Variants in CSMD3 observed in about 807,000 individuals in gnomAD.
CSMD3 encodes CUB and sushi domain-containing protein 3.
CSMD3 carries 177 observed loss-of-function variants against 435.2 expected under a neutral mutation model. The ratio of observed to expected loss-of-function variants is 0.41; its 90% CI spans 0.36 to 0.46. CSMD3 has a LOEUF of 0.46. Ranked by LOEUF, CSMD3 falls within the 20% of genes least tolerant of loss-of-function variation. The probability of loss-of-function intolerance (pLI) is 0.34; values close to 1 mark genes in which losing one functional copy is unlikely to be tolerated. For synonymous variants in CSMD3, 1,656 were observed against 1,520.5 expected (o/e 1.09, Z -2.07); for missense variants, 4,265 against 4,504.6 (o/e 0.95, Z 1.52).
At chr8:113,372,030 T>TA (rs1220853562) in intron 1 of CSMD3, among the ~76,000 whole-genome samples, 4 of 152,020 alleles carry the variant, frequency 2.6e-5, no homozygotes, top group East Asian at 1.9e-4. Context: ...CCACACTAGT[T>TA]AAAAAAAATT....
intron 19 of CSMD3, among the ~76,000 whole-genome samples, chr8:112,647,302 C>CTT (rs35978527): frequency 0.089 from 12,248 of 137,050 alleles, 811 homozygotes; most frequent in East Asian, 0.34. Flanking sequence ...TTTCAAATCA[C>CTT]TTTTTTTTTT....
At chr8:112,789,665 CTTAA>C (rs1455910258) in intron 13 of CSMD3, among the ~76,000 whole-genome samples, 1 of 151,866 alleles carries the variant, frequency 6.6e-6, no homozygotes, top group African/African-American at 2.4e-5. Flanking sequence ...TTACTTTTCA[CTTAA>C]TTAAACAAAG....
intron 12 of CSMD3, among the ~76,000 whole-genome samples, chr8:112,807,381 A>G (rs2079114521): frequency 6.6e-6 from 1 of 152,152 alleles, no homozygotes; most frequent in Non-Finnish European, 1.5e-5. Context: ...AAGGTTTTGT[A>G]TGCTATGATG....
chr8:112,644,997 G>A (rs923695367), intron 20 of CSMD3, 112 bp downstream of exon 20: 1 of 761,296 alleles, frequency 1.3e-6, no homozygotes. Flanking sequence ...GCATATTGTA[G>A]TACTGATCTG....
intron 31 of CSMD3, among the ~76,000 whole-genome samples, chr8:112,478,708 C>T (rs72676624): frequency 6.6e-6 from 1 of 152,114 alleles, no homozygotes; most frequent in South Asian, 2.1e-4. Context: ...CGTGGTGAAA[C>T]CCCACCTTCA....
intron 3 of CSMD3, among the ~76,000 whole-genome samples, chr8:113,211,335 C>T (rs1272823063): frequency 1.3e-5 from 2 of 152,076 alleles, no homozygotes; most frequent in Non-Finnish European, 2.9e-5. Flanking sequence ...ATCAGAGATA[C>T]AAATCTGGCC....
chr8:112,637,640 T>C (rs1196716927), intron 21 of CSMD3, among the ~76,000 whole-genome samples: 1 of 151,934 alleles, frequency 6.6e-6, no homozygotes, highest in Non-Finnish European at 1.5e-5. Flanking sequence ...AAAAGTAGAG[T>C]TGATTAAACA....
At chr8:113,114,449 A>T (rs2090762042) in intron 4 of CSMD3, among the ~76,000 whole-genome samples, 1 of 152,186 alleles carries the variant, frequency 6.6e-6, no homozygotes, top group Non-Finnish European at 1.5e-5. Context: ...TGCTATTGAG[A>T]ATAGTATGTG....
At chr8:113,375,514 T>TACAC (rs3221516) in intron 1 of CSMD3, among the ~76,000 whole-genome samples, 6,414 of 69,236 alleles carry the variant, frequency 0.093, 283 homozygotes, top group African/African-American at 0.15. Flanking sequence ...GACTATTTAA[T>TACAC]ACACACACAC....
chr8:113,041,382 T>C (rs905678870), intron 5 of CSMD3, among the ~76,000 whole-genome samples: 12 of 152,046 alleles, frequency 7.9e-5, no homozygotes, highest in Admixed American at 7.9e-4. Context: ...TCACTTCTCA[T>C]CCACCCTCGC....
At chr8:112,392,088 A>T (rs12676848) in intron 35 of CSMD3, among the ~76,000 whole-genome samples, 61,277 of 151,906 alleles carry the variant, frequency 0.4, 14,330 homozygotes, top group Middle Eastern at 0.59. Flanking sequence ...CATAAGAAAC[A>T]AGCACACACC....
intron 59 of CSMD3, among the ~76,000 whole-genome samples, chr8:112,274,009 G>C (rs896357304): frequency 4.0e-5 from 6 of 151,534 alleles, no homozygotes; most frequent in Admixed American, 3.3e-4. Flanking sequence ...AAAATGTCTT[G>C]AGGTGTTTTG....
chr8:112,304,581 TA>T, intron 52 of CSMD3, 139 bp downstream of exon 52: 1 of 685,434 alleles, frequency 1.5e-6, no homozygotes. Context: ...TTAGAAAATT[TA>T]AAAACGTAAC....
chr8:113,138,855 C>T (rs1010965554), intron 4 of CSMD3, among the ~76,000 whole-genome samples: 1 of 148,042 alleles, frequency 6.8e-6, no homozygotes, highest in African/African-American at 2.5e-5. Context: ...ATGTCACATA[C>T]TACATATATC....
intron 22 of CSMD3, among the ~76,000 whole-genome samples, chr8:112,607,660 G>A (rs1466303689): frequency 1.3e-5 from 2 of 152,104 alleles, no homozygotes; most frequent in African/African-American, 4.8e-5. Flanking sequence ...TCAGTTTACT[G>A]TACAGATACT....
intron 38 of CSMD3, among the ~76,000 whole-genome samples, chr8:112,373,430 A>G (rs1041190390): frequency 1.3e-5 from 2 of 151,954 alleles, no homozygotes; most frequent in African/African-American, 4.8e-5. Flanking sequence ...ACACACACAC[A>G]CCACTCACAC....
At chr8:112,866,111 T>G (rs533768502) in intron 10 of CSMD3, among the ~76,000 whole-genome samples, 2 of 152,174 alleles carry the variant, frequency 1.3e-5, no homozygotes, top group Non-Finnish European at 2.9e-5. Flanking sequence ...GAACATTTTG[T>G]TGATGGTATG....
At position 113,311,741 on chromosome 8, in the gene CSMD3, C is replaced by T. The variant is rs978203189; in HGVS notation, c.401+2830G>A. ...GGTTACATACTAATTTTTTTCTTTC[C>T]AGTCTTGCTAACTAAAGTCAGCTAT... is the stretch of plus-strand genomic sequence containing the variant. On this transcript the variant is annotated intron_variant, in intron 2 of 70. Transcript: ENST00000297405. 5 of 152,158 alleles carry T rather than the reference C, an allele frequency of 3.3e-5. No homozygotes were observed. The South Asian group carries it at 8.3e-4, about 25-fold the overall frequency. 9.4% of individuals were successfully genotyped at this position (152,158 alleles called of 1,614,324 possible).
At chr8:113,431,539 CA>C (rs1031128925) in intron 1 of CSMD3, among the ~76,000 whole-genome samples, 1 of 152,132 alleles carries the variant, frequency 6.6e-6, no homozygotes, top group South Asian at 2.1e-4. Context: ...TTAAAATAGA[CA>C]AAATATTGAA....
Sources: allele counts gnomAD v4.1 joint callset (sites outside exome capture counted in the v4.1 genomes callset), GRCh38; gene constraint gnomAD v4.1.1; transcripts MANE v1.5; gene names NCBI Gene and HGNC (gene_info 2026-07-23, HGNC 2026-07-21).